Variants in OVCH2 observed in about 807,000 individuals in gnomAD.
OVCH2 encodes ovochymase-2.
Under a neutral mutation model 73.7 loss-of-function variants are expected in OVCH2, and 88 were observed. The observed-to-expected ratio is 1.19, with a 90% CI of 1.01 to 1.43. OVCH2 has a LOEUF of 1.43. OVCH2 is among the 40% of genes most tolerant of loss of function. The pLI is 0.00. For missense variants in OVCH2, 706 were observed against 674.5 expected (o/e 1.05, Z -0.52); for synonymous variants, 265 against 234.5 (o/e 1.13, Z -1.19).
At chr11:7,690,284 G>A (rs999276722) in intron 14 of OVCH2, among the ~76,000 whole-genome samples, 1 of 152,220 alleles carries the variant, frequency 6.6e-6, no homozygotes, top group Non-Finnish European at 1.5e-5. Flanking sequence ...GTATGAGAAT[G>A]TGTAAGGAAG....
intron 13 of OVCH2, among the ~76,000 whole-genome samples, chr11:7,691,628 T>C (rs1856222989): frequency 6.6e-6 from 1 of 152,192 alleles, no homozygotes; most frequent in African/African-American, 2.4e-5. Context: ...AGGGAACTGG[T>C]TCTAGCCTCA....
At chr11:7,698,878 G>T in intron 7 of OVCH2, 105 bp from the exon 8 acceptor site, 1 of 1,241,258 alleles carries the variant, frequency 8.1e-7, no homozygotes, top group Non-Finnish European at 1.1e-6. Context: ...AAGTCAATAT[G>T]CAACTAATAA....
At chr11:7,696,912 C>A in intron 8 of OVCH2, 113 bp from the exon 9 acceptor site, 1 of 945,264 alleles carries the variant, frequency 1.1e-6, no homozygotes, top group South Asian at 1.6e-5. Flanking sequence ...ATGTACTCTT[C>A]GTTCTTCATG....
intron 8 of OVCH2, among the ~76,000 whole-genome samples, chr11:7,698,468 C>A (rs572886271): frequency 6.6e-6 from 1 of 152,274 alleles, no homozygotes; most frequent in African/African-American, 2.4e-5. Context: ...AGCTTACTGA[C>A]CACATCGGCA....
At chr11:7,694,780 T>C (rs988736362) in intron 12 of OVCH2, among the ~76,000 whole-genome samples, 3 of 146,368 alleles carry the variant, frequency 2.0e-5, no homozygotes, top group Non-Finnish European at 4.4e-5. Context: ...CCCGGCTAAT[T>C]CAATACAAAG....
chr11:7,691,417 C>T lies in OVCH2; in HGVS notation c.1508-17G>A. The T allele has an allele frequency of 6.2e-7, 1 of 1,607,042 alleles. No individual in the cohort carries two copies. Among genetic ancestry groups the T allele is most frequent in the Non-Finnish European group, 8.5e-7 (1 of 1,175,674 alleles). On this transcript the variant is annotated splice_polypyrimidine_tract_variant and intron_variant, in intron 13 of 15. Transcript: ENST00000533663. Reference sequence around the variant, plus strand: ...ACAGCCGAGCTTGTTGAAGGCCAGCCCAGGCATGACATTGTCAAGCACCCA... The same window carrying T: ...ACAGCCGAGCTTGTTGAAGGCCAGCTCAGGCATGACATTGTCAAGCACCCA...
rs1268878318 is a variant in OVCH2, at chr11:7,689,969, A to T, written c.1684T>A (p.Phe562Ile). Residue 562 changes from phenylalanine (F) to isoleucine (I), a missense_variant, in exon 15 of 16, where the codon TTT (phenylalanine) becomes ATT (isoleucine). Transcript: ENST00000533663. ...TTTGGCACATCTCATGTCTCCAGAA[A>T]CATTGATTCATCCTCTGATATGGAG... ...NISISEDESM[F>I]LET The T allele has an allele frequency of 8.5e-6, 13 of 1,527,646 alleles. No individual in the cohort carries two copies. In the Admixed American group the frequency reaches 2.6e-4, roughly 30 times the overall value. 94.6% of individuals were successfully genotyped at this position (1,527,646 alleles called of 1,614,324 possible). A position where few individuals can be genotyped will look rare whatever the true frequency, so the allele number is the denominator to read the frequency against.
At chr11:7,697,084 T>G (rs1589877174) in intron 8 of OVCH2, 1 of 405,254 alleles carries the variant, frequency 2.5e-6, no homozygotes, top group Non-Finnish European at 4.5e-6. Context: ...TCACCGAGGG[T>G]GGAGTGCAGT....
downstream of OVCH2, among the ~76,000 whole-genome samples, chr11:7,685,979 C>A (rs969116297): frequency 2.0e-5 from 3 of 152,260 alleles, no homozygotes; most frequent in East Asian, 1.9e-4. Flanking sequence ...AAAAAAAATT[C>A]TCTGGCTTGA....
At chr11:7,690,470 A>T (rs1321433615) in intron 14 of OVCH2, among the ~76,000 whole-genome samples, 1 of 150,622 alleles carries the variant, frequency 6.6e-6, no homozygotes, top group African/African-American at 2.4e-5. Flanking sequence ...GAAAAAAATG[A>T]GTCTGAGGTG....
At chr11:7,678,857 C>T in the OVCH2 span, among the ~76,000 whole-genome samples, 1 of 152,124 alleles carries the variant, frequency 6.6e-6, no homozygotes, top group African/African-American at 2.4e-5. Context: ...ACCTGGGTCA[C>T]GCGATCATTT....
chr11:7,693,229 T>C (rs555458057), intron 12 of OVCH2, among the ~76,000 whole-genome samples: 97 of 152,258 alleles, frequency 6.4e-4, no homozygotes, highest in African/African-American at 2.3e-3. Flanking sequence ...ACAGAAAGGA[T>C]TGTGTGGATA....
chr11:7,700,312 G>T lies in OVCH2; in HGVS notation c.885C>A (p.His295Gln), dbSNP rs760208869. ...TDISKVLPWI[H>Q]EHIQTGNRRK... ...CTTAGTTACCAGTTTGGATGTGTTCGTGGATCCAGGGAAGCACTTTACTAA... is the reference window on the plus strand; with the variant it reads ...CTTAGTTACCAGTTTGGATGTGTTCTTGGATCCAGGGAAGCACTTTACTAA... The change falls in exon 7 of 16, where the codon CAC (histidine) becomes CAA (glutamine). Residue 295 changes from histidine to glutamine, a missense_variant. Transcript: ENST00000533663. 1 of 1,613,570 alleles carries T rather than the reference G, an allele frequency of 6.2e-7. No homozygotes were observed. The highest frequency in any genetic ancestry group is 1.3e-5 in the African/African-American group (1 of 74,876).
At chr11:7,703,865 T>C in intron 2 of OVCH2, 76 bp from the exon 3 acceptor site, 1 of 1,142,038 alleles carries the variant, frequency 8.8e-7, no homozygotes, top group South Asian at 1.3e-5. Context: ...AAGCCTATTC[T>C]CAAAACCAGA....
the OVCH2 span, among the ~76,000 whole-genome samples, chr11:7,678,918 C>G: frequency 1.5e-4 from 23 of 152,330 alleles, no homozygotes; most frequent in African/African-American, 5.5e-4. Flanking sequence ...CAAACCTGTG[C>G]ATGCACCCTC....
intron 12 of OVCH2, 75 bp from the exon 13 acceptor site, chr11:7,692,070 T>G: frequency 1.8e-6 from 2 of 1,103,978 alleles, no homozygotes; most frequent in Non-Finnish European, 2.7e-6. Flanking sequence ...CAGAGAAATT[T>G]GGATTGCTCA....
chr11:7,688,322 T>G (rs7118417), downstream of OVCH2, among the ~76,000 whole-genome samples: 2 of 152,000 alleles, frequency 1.3e-5, no homozygotes, highest in African/African-American at 2.4e-5. Flanking sequence ...CAGGCACACA[T>G]TAAATTCATC....
chr11:7,697,859 A>T (rs1409828459), intron 8 of OVCH2, among the ~76,000 whole-genome samples: 1 of 152,210 alleles, frequency 6.6e-6, no homozygotes, highest in Admixed American at 6.5e-5. Context: ...ACACTATTAA[A>T]ATATAGTTCA....
intron 12 of OVCH2, among the ~76,000 whole-genome samples, chr11:7,693,437 C>T (rs777690243): frequency 2.0e-5 from 3 of 152,182 alleles, no homozygotes; most frequent in Admixed American, 1.3e-4. Context: ...TACTATCTTA[C>T]ACGAGTTCTG....
Sources: allele counts gnomAD v4.1 joint callset (sites outside exome capture counted in the v4.1 genomes callset), GRCh38; gene constraint gnomAD v4.1.1; transcripts MANE v1.5; gene names NCBI Gene and HGNC (gene_info 2026-07-23, HGNC 2026-07-21).